Variants in SLIT1 observed in about 807,000 individuals in gnomAD.
The protein encoded by SLIT1 is slit homolog 1 protein.
Under a neutral mutation model 186.1 loss-of-function variants are expected in SLIT1, and 66 were observed. The ratio of observed to expected loss-of-function variants is 0.35; its 90% CI spans 0.29 to 0.44. The LOEUF is 0.44. Ranked by LOEUF, SLIT1 falls within the 20% of genes least tolerant of loss-of-function variation. The probability of loss-of-function intolerance (pLI) is 1.00; values close to 1 mark genes in which losing one functional copy is unlikely to be tolerated. For missense variants in SLIT1, 1,638 were observed against 2,037.4 expected, an observed-to-expected ratio of 0.80 and a Z score of 3.77; for synonymous variants, 761 against 833.8, an observed-to-expected ratio of 0.91 and a Z score of 1.50.
chr10:97,093,186 GCT>G (rs1849251417), intron 4 of SLIT1, among the ~76,000 whole-genome samples: 1 of 152,218 alleles, frequency 6.6e-6, no homozygotes, highest in African/African-American at 2.4e-5. Flanking sequence ...GTGTTGCAAA[GCT>G]CTCCAGAACA....
At chr10:97,118,028 T>C (rs1457818359) in intron 4 of SLIT1, among the ~76,000 whole-genome samples, 1 of 152,172 alleles carries the variant, frequency 6.6e-6, no homozygotes, top group African/African-American at 2.4e-5. Context: ...CATTCTCTAG[T>C]GTTTGAGCAT....
chr10:97,072,653 G>A (rs1849010418), intron 4 of SLIT1, among the ~76,000 whole-genome samples: 2 of 152,204 alleles, frequency 1.3e-5, no homozygotes, highest in South Asian at 4.1e-4. Context: ...TTTAAATGAA[G>A]ACAGGAAAGT....
intron 24 of SLIT1, among the ~76,000 whole-genome samples, chr10:97,031,259 G>A (rs1184313557): frequency 6.6e-6 from 1 of 152,320 alleles, no homozygotes; most frequent in East Asian, 1.9e-4. Context: ...AAACCTCACA[G>A]TGAGAACTCA....
intron 4 of SLIT1, among the ~76,000 whole-genome samples, chr10:97,077,971 G>A (rs1849061020): frequency 6.6e-6 from 1 of 152,100 alleles, no homozygotes. Context: ...TTAGCCAGGT[G>A]TGTTAGTGTG....
At chr10:97,001,423 G>C in intron 36 of SLIT1, 73 bp from the exon 37 acceptor site, 19 of 1,106,606 alleles carry the variant, frequency 1.7e-5, no homozygotes, top group Non-Finnish European at 2.3e-5. Flanking sequence ...AGGGAGGCAG[G>C]AGGAAGAGGA....
At chr10:97,017,879 G>T (rs1342452696) in intron 28 of SLIT1, among the ~76,000 whole-genome samples, 1 of 146,494 alleles carries the variant, frequency 6.8e-6, no homozygotes, top group Non-Finnish European at 1.5e-5. Context: ...ACAGAGTTTC[G>T]CTCTTGTTGC....
chr10:97,118,246 A>G (rs1849526266), intron 4 of SLIT1, among the ~76,000 whole-genome samples: 1 of 152,188 alleles, frequency 6.6e-6, no homozygotes, highest in Non-Finnish European at 1.5e-5. Flanking sequence ...CAAAAAGGTG[A>G]CACGAGCAGC....
At chr10:97,176,627 C>T (rs752421866) in intron 1 of SLIT1, among the ~76,000 whole-genome samples, 2 of 152,198 alleles carry the variant, frequency 1.3e-5, no homozygotes, top group African/African-American at 2.4e-5. Flanking sequence ...CCAGTGACCC[C>T]GATCTCGAGT....
At chr10:97,016,333 T>C (rs904550134) in intron 28 of SLIT1, among the ~76,000 whole-genome samples, 1 of 151,940 alleles carries the variant, frequency 6.6e-6, no homozygotes, top group African/African-American at 2.4e-5. Flanking sequence ...GTCAAAATGA[T>C]GTGCTGTTTA....
chr10:97,134,731 A>G (rs1267756084), intron 4 of SLIT1, among the ~76,000 whole-genome samples: 1 of 152,144 alleles, frequency 6.6e-6, no homozygotes, highest in Non-Finnish European at 1.5e-5. Context: ...GGGGACTTCC[A>G]TTGTCACCTT....
chr10:97,152,360 C>G (rs367591710), intron 4 of SLIT1, among the ~76,000 whole-genome samples: 6 of 152,184 alleles, frequency 3.9e-5, no homozygotes, highest in African/African-American at 1.4e-4. Context: ...ACAGGGGAAG[C>G]CAACATCAAT....
chr10:97,034,647 C>A, intron 22 of SLIT1, 105 bp from the exon 23 acceptor site: 1 of 1,002,458 alleles, frequency 1.0e-6, no homozygotes, highest in African/African-American at 1.6e-5. Flanking sequence ...CATTCCCCAG[C>A]CAGGTTGGCC....
chr10:97,046,152 G>A (rs1848731686), intron 18 of SLIT1, among the ~76,000 whole-genome samples: 1 of 152,160 alleles, frequency 6.6e-6, no homozygotes, highest in South Asian at 2.1e-4. Context: ...GGGGTGTCCT[G>A]CATCATGGAG....
intron 4 of SLIT1, among the ~76,000 whole-genome samples, chr10:97,135,786 T>G (rs540363502): frequency 6.6e-6 from 1 of 152,276 alleles, no homozygotes; most frequent in South Asian, 2.1e-4. Flanking sequence ...AAAAGGACAA[T>G]GACAGAGACC....
intron 4 of SLIT1, among the ~76,000 whole-genome samples, chr10:97,138,090 T>C (rs1053137748): frequency 6.6e-6 from 1 of 152,190 alleles, no homozygotes; most frequent in African/African-American, 2.4e-5. Flanking sequence ...CCACTTATAT[T>C]GGATTTTTTT....
intron 25 of SLIT1, among the ~76,000 whole-genome samples, chr10:97,029,822 C>T (rs545273151): frequency 1.3e-5 from 2 of 152,302 alleles, no homozygotes; most frequent in East Asian, 3.9e-4. Context: ...ATCCACCATT[C>T]TACTTTTTGT....
At chr10:97,132,290 C>A (rs1589405449) in intron 4 of SLIT1, among the ~76,000 whole-genome samples, 1 of 152,326 alleles carries the variant, frequency 6.6e-6, no homozygotes. Flanking sequence ...GGGTCCCAGA[C>A]AAAGCCAACT....
chr10:97,046,390 G>T (rs970084490), intron 18 of SLIT1, among the ~76,000 whole-genome samples: 35 of 152,208 alleles, frequency 2.3e-4, no homozygotes, highest in African/African-American at 8.2e-4. Context: ...GCAATGGGAA[G>T]GGACCCCTAG....
intron 13 of SLIT1, among the ~76,000 whole-genome samples, chr10:97,054,614 A>G (rs559616958): frequency 6.6e-6 from 1 of 152,316 alleles, no homozygotes; most frequent in African/African-American, 2.4e-5. Context: ...AATCCCATCT[A>G]TAAAATCATC....
Sources: gnomAD v4.1 joint callset for allele counts (sites outside exome capture counted in the v4.1 genomes callset) on GRCh38, gnomAD v4.1.1 for gene constraint, MANE v1.5 for transcripts, NCBI Gene and HGNC (gene_info 2026-07-23, HGNC 2026-07-21) for gene names.